AMY2B: variants seen among roughly 807,000 people sequenced by gnomAD.
AMY2B encodes amylase alpha 2B.
Under a neutral mutation model 59.3 loss-of-function variants are expected in AMY2B, and 63 were observed. The observed-to-expected ratio is 1.06, with a 90% CI of 0.87 to 1.31. The LOEUF is 1.31. AMY2B is among the 50% of genes most tolerant of loss of function. The probability of loss-of-function intolerance (pLI) is 0.00; values close to 1 mark genes in which losing one functional copy is unlikely to be tolerated. For missense variants in AMY2B, 635 were observed against 626.7 expected, an observed-to-expected ratio of 1.01 and a Z score of -0.14; for synonymous variants, 180 against 198.1, an observed-to-expected ratio of 0.91 and a Z score of 0.77.
At chr1:103,565,064 A>G (rs569718998) in intron 1 of AMY2B, 4 of 152,098 alleles carry the variant, frequency 2.6e-5, no homozygotes, top group South Asian at 2.1e-4. Flanking sequence ...TCTCTGTTTT[A>G]CATAAACATT....
chr1:103,575,496 G>C lies in AMY2B; in HGVS notation c.1057G>C (p.Val353Leu), dbSNP rs1195025142. The part of the protein sequence containing the change: ...MLAHPYGFTR[V>L]MSSYRWPRQF... The stretch of plus-strand genomic sequence containing the variant: ...TGCTCATCCTTATGGTTTTACACGA[G>C]TAATGTCAAGCTACCGTTGGCCAAG... Residue 353 changes from valine to leucine, a missense_variant, in exon 7 of 10, where the codon GTA (valine) becomes CTA (leucine). Val to Leu is a conservative substitution (Grantham distance 32). Transcript: ENST00000684275. The C allele has an allele frequency of 2.5e-6, 4 of 1,613,736 alleles. No homozygotes were observed. Among genetic ancestry groups the C allele is most frequent in the South Asian group, 1.1e-5 (1 of 91,070 alleles).
upstream of AMY2B, chr1:103,571,530 T>A (rs1652128837): frequency 8.2e-6 from 13 of 1,586,730 alleles, no homozygotes; most frequent in Non-Finnish European, 8.6e-6. Flanking sequence ...ATGCTAATAT[T>A]TACTTTGTAA....
intron 1 of AMY2B, among the ~76,000 whole-genome samples, chr1:103,559,211 A>C (rs1651658234): frequency 6.6e-6 from 1 of 152,182 alleles, no homozygotes; most frequent in South Asian, 2.1e-4. Flanking sequence ...TGGTCCAGTT[A>C]AGTTTATTAT....
chr1:103,558,961 T>C (rs560739527), intron 1 of AMY2B, among the ~76,000 whole-genome samples: 1 of 152,310 alleles, frequency 6.6e-6, no homozygotes, highest in South Asian at 2.1e-4. Flanking sequence ...AGTTTTGACA[T>C]GGCATTTACG....
intron 7 of AMY2B, among the ~76,000 whole-genome samples, chr1:103,577,167 G>A (rs1652390083): frequency 1.3e-5 from 2 of 152,144 alleles, no homozygotes; most frequent in Non-Finnish European, 1.5e-5. Flanking sequence ...GAGCCTGGGA[G>A]ATCAAGGCTG....
At chr1:103,567,425 C>CT (rs1443919576), upstream of AMY2B, among the ~76,000 whole-genome samples, 1 of 152,122 alleles carries the variant, frequency 6.6e-6, no homozygotes, top group Admixed American at 6.6e-5. Context: ...CTGGTACTTC[C>CT]TCATTTTGTC....
At chr1:103,570,069 C>T, upstream of AMY2B, 2 of 435,926 alleles carry the variant, frequency 4.6e-6, no homozygotes, top group South Asian at 1.9e-5. Flanking sequence ...CCCTCCCTGA[C>T]ACCATTCTGC....
At chr1:103,554,790 T>C (rs887224490) in exon 1 of AMY2B, 1 of 152,640 alleles carries the variant, frequency 6.6e-6, no homozygotes, top group Non-Finnish European at 1.5e-5. Flanking sequence ...ATTCGGTTAT[T>C]ATCACCTTAA....
At position 103,572,194 on chromosome 1, in the gene AMY2B, T is replaced by C. The variant is rs1652162410; in HGVS notation, c.253T>C (p.Cys85Arg). Residue 85 changes from cysteine (C) to arginine (R), a missense_variant, in exon 2 of 10, where the codon TGC becomes CGC. Coordinates refer to ENST00000684275, the MANE Select transcript of AMY2B (RefSeq NM_001387437.1). The stretch of plus-strand genomic sequence containing the variant: ...ATACCAACCAGTTAGCTATAAATTA[T>C]GCACAAGATCTGGAAATGAAGATGA... ...ERYQPVSYKL[C>R]TRSGNEDEFR... is the part of the protein sequence containing the mutation. The C allele has an allele frequency of 1.2e-6, 2 of 1,611,702 alleles. No individual in the cohort carries two copies. Among genetic ancestry groups the C allele is most frequent in the Admixed American group, 1.7e-5 (1 of 60,002 alleles).
Position 103,573,704 on chromosome 1 carries a change from A to G in AMY2B, c.514-4A>G. The G allele has an allele frequency of 1.9e-6, 3 of 1,613,682 alleles. No homozygotes were observed. Among genetic ancestry groups the G allele is most frequent in the Middle Eastern group, 3.3e-4 (2 of 6,050 alleles). ...AATCAATCATAACATTTTTACCTCA[A>G]CAGGTCAGAGATTGTCGTCTGGTTG... On this transcript the variant is annotated splice_polypyrimidine_tract_variant and splice_region_variant and intron_variant, in intron 3 of 9. Coordinates refer to ENST00000684275, the MANE Select transcript of AMY2B (RefSeq NM_001387437.1).
intron 1 of AMY2B, among the ~76,000 whole-genome samples, chr1:103,560,651 A>G (rs1348949238): frequency 1.3e-5 from 2 of 152,160 alleles, no homozygotes; most frequent in Non-Finnish European, 2.9e-5. Context: ...CAAAGACAAT[A>G]ATGTGACCTT....
chr1:103,577,374 G>A (rs1652398990), intron 7 of AMY2B, 116 bp from the exon 8 acceptor site: 3 of 1,565,322 alleles, frequency 1.9e-6, no homozygotes, highest in Admixed American at 3.5e-5. Context: ...TTGGATTCTA[G>A]ATAAAGTCAT....
At chr1:103,577,335 G>C in intron 7 of AMY2B, 155 bp from the exon 8 acceptor site, 1 of 1,391,674 alleles carries the variant, frequency 7.2e-7, no homozygotes, top group Non-Finnish European at 9.9e-7. Flanking sequence ...TGAAGACCCA[G>C]TAAAGGGCTA....
At chr1:103,561,529 A>G (rs1651734292) in intron 1 of AMY2B, among the ~76,000 whole-genome samples, 1 of 152,116 alleles carries the variant, frequency 6.6e-6, no homozygotes, top group Admixed American at 6.5e-5. Context: ...CTTACATTCT[A>G]GTCTCATTTA....
rs1210682784 is a variant in AMY2B at position 103,571,617 on chromosome 1, G to C, written c.15G>C (p.Leu5=). The C allele has an allele frequency of 6.2e-7, 1 of 1,611,328 alleles. No individual in the cohort carries two copies. Among genetic ancestry groups the C allele is most frequent in the East Asian group, 2.2e-5 (1 of 44,842 alleles). The change falls in exon 1 of 10, where the codon CTG becomes CTC. Residue 5 remains leucine (L), a synonymous_variant. Coordinates refer to ENST00000684275, the MANE Select transcript of AMY2B (RefSeq NM_001387437.1). ...TTCAAAGCAAAATGAAGTTCTTTCT[G>C]TTGCTTTTCACCATTGGGTTCTGCT... MKFF[L]LLFTIGFCWA...
intron 2 of AMY2B, among the ~76,000 whole-genome samples, chr1:103,566,269 A>G (rs548153600): frequency 6.6e-6 from 1 of 152,180 alleles, no homozygotes; most frequent in Admixed American, 6.6e-5. Flanking sequence ...AACTATGTTC[A>G]TATCTTTCAC....
At chr1:103,576,434 T>A (rs1208439261) in intron 7 of AMY2B, among the ~76,000 whole-genome samples, 3 of 152,182 alleles carry the variant, frequency 2.0e-5, no homozygotes, top group Admixed American at 1.3e-4. Context: ...ATGTTAAGGG[T>A]CACAGAGTAT....
intron 1 of AMY2B, among the ~76,000 whole-genome samples, chr1:103,555,643 A>G (rs575791449): frequency 6.6e-6 from 1 of 152,314 alleles, no homozygotes; most frequent in South Asian, 2.1e-4. Flanking sequence ...TACGTAGGAA[A>G]ACATTCTTTT....
intron 6 of AMY2B, 43 bp from the exon 7 acceptor site, chr1:103,575,398 G>T: frequency 1.9e-6 from 3 of 1,612,638 alleles, no homozygotes; most frequent in South Asian, 2.2e-5. Flanking sequence ...TGATGGTAAT[G>T]ATATTCTGAT....
Sources: gnomAD v4.1 joint callset for allele counts (sites outside exome capture counted in the v4.1 genomes callset) on GRCh38, gnomAD v4.1.1 for gene constraint, MANE v1.5 for transcripts, NCBI Gene and HGNC (gene_info 2026-07-23, HGNC 2026-07-21) for gene names.